ABCB1: variants seen among roughly 807,000 people sequenced by gnomAD.
The protein encoded by ABCB1 is ATP binding cassette subfamily B member 1.
ABCB1 carries 69 observed loss-of-function variants against 142.0 expected under a neutral mutation model. The ratio of observed to expected loss-of-function variants is 0.49; its 90% confidence interval spans 0.40 to 0.59. ABCB1 has a LOEUF of 0.59. ABCB1 is among the 20% of genes least tolerant of loss of function. The pLI is 0.00. For synonymous variants in ABCB1, 532 were observed against 539.2 expected (o/e 0.99, Z 0.18); for missense variants, 1,326 against 1,554.7 (o/e 0.85, Z 2.47).
At chr7:87,629,077 A>C in intron 1 of ABCB1, 1 of 879,684 alleles carries the variant, frequency 1.1e-6, no homozygotes, top group Non-Finnish European at 1.5e-6. Context: ...GCGCCAGCCA[A>C]ATCTGTGAGC....
At chr7:87,528,624 T>C (rs910456007) in intron 21 of ABCB1, among the ~76,000 whole-genome samples, 34 of 152,266 alleles carry the variant, frequency 2.2e-4, no homozygotes, top group African/African-American at 8.2e-4. Flanking sequence ...AGAGCACAGA[T>C]CACAGGCAGG....
At chr7:87,622,820 C>A (rs962596118) in intron 1 of ABCB1, among the ~76,000 whole-genome samples, 4 of 151,854 alleles carry the variant, frequency 2.6e-5, no homozygotes, top group Non-Finnish European at 5.9e-5. Context: ...CGCATGAGAC[C>A]GGGAGTTCAT....
chr7:87,687,751 T>C (rs1438888333), intron 1 of ABCB1, among the ~76,000 whole-genome samples: 1 of 152,162 alleles, frequency 6.6e-6, no homozygotes, highest in Non-Finnish European at 1.5e-5. Context: ...TCTAATCCAA[T>C]TGAACTGTTA....
intron 1 of ABCB1, among the ~76,000 whole-genome samples, chr7:87,667,626 A>G (rs1237225438): frequency 6.6e-6 from 1 of 152,130 alleles, no homozygotes; most frequent in Non-Finnish European, 1.5e-5. Flanking sequence ...TGGGTTTGTC[A>G]TAGATGGCTC....
intron 4 of ABCB1, among the ~76,000 whole-genome samples, chr7:87,583,290 T>C (rs1818598110): frequency 1.3e-5 from 2 of 152,204 alleles, no homozygotes; most frequent in South Asian, 4.1e-4. Context: ...AACTAAAGTA[T>C]GAATAAATTC....
rs2117053977 is a variant in ABCB1, at chr7:87,504,466, T to C, written c.3637-17A>G. Reference sequence around the variant, plus strand: ...TTGGACAACCTATTCCATAATCACATAGATTAATTCTCATAATAGTTCTTT... The same window carrying C: ...TTGGACAACCTATTCCATAATCACACAGATTAATTCTCATAATAGTTCTTT... On this transcript the variant is annotated splice_polypyrimidine_tract_variant and intron_variant, in intron 27 of 27. Transcript: ENST00000622132. 2 of 1,613,828 alleles carry C rather than the reference T, an allele frequency of 1.2e-6. No homozygotes were observed. The highest frequency in any genetic ancestry group is 2.2e-5 in the East Asian group (1 of 44,866).
intron 26 of ABCB1, among the ~76,000 whole-genome samples, chr7:87,507,791 T>C (rs1043586681): frequency 9.2e-5 from 14 of 152,142 alleles, no homozygotes; most frequent in Non-Finnish European, 4.4e-5. Flanking sequence ...GTAGATTACC[T>C]AGGTTGAGAA....
intron 4 of ABCB1, 74 bp from the exon 5 acceptor site, chr7:87,570,297 T>A: frequency 4.8e-5 from 61 of 1,276,020 alleles, no homozygotes; most frequent in Non-Finnish European, 6.7e-5. Context: ...TAAAAATGAA[T>A]CAAACTCATT....
At chr7:87,512,484 C>T (rs1216335888) in intron 25 of ABCB1, among the ~76,000 whole-genome samples, 2 of 152,164 alleles carry the variant, frequency 1.3e-5, no homozygotes, top group Non-Finnish European at 2.9e-5. Context: ...TTCACCGAAG[C>T]TTTAGAACCA....
chr7:87,701,228 A>G (rs531768149), intron 1 of ABCB1, among the ~76,000 whole-genome samples: 11 of 152,334 alleles, frequency 7.2e-5, no homozygotes, highest in African/African-American at 2.6e-4. Context: ...TATAAACATA[A>G]TTTTTTGGAC....
intron 1 of ABCB1, among the ~76,000 whole-genome samples, chr7:87,685,740 G>A (rs774547162): frequency 3.3e-5 from 5 of 152,128 alleles, no homozygotes; most frequent in African/African-American, 4.8e-5. Context: ...ACTGTTATGT[G>A]TCTCATAATC....
intron 1 of ABCB1, among the ~76,000 whole-genome samples, chr7:87,662,338 C>T (rs1010888832): frequency 6.6e-6 from 1 of 152,096 alleles, no homozygotes; most frequent in Admixed American, 6.6e-5. Context: ...GTCCAATGTC[C>T]TGGAGACTTT....
chr7:87,654,232 A>T (rs772784187), intron 1 of ABCB1, among the ~76,000 whole-genome samples: 1 of 152,054 alleles, frequency 6.6e-6, no homozygotes, highest in Non-Finnish European at 1.5e-5. Context: ...TAAAAAAGAC[A>T]ATCCTGAAAA....
intron 1 of ABCB1, among the ~76,000 whole-genome samples, chr7:87,626,868 C>T (rs1426693448): frequency 2.6e-5 from 4 of 151,934 alleles, no homozygotes. Flanking sequence ...CTCCGCCTCC[C>T]GGGTTCAAAC....
intron 26 of ABCB1, among the ~76,000 whole-genome samples, chr7:87,506,499 G>A (rs780369158): frequency 7.2e-5 from 11 of 152,152 alleles, no homozygotes; most frequent in Non-Finnish European, 1.6e-4. Context: ...GCCTTTTAGT[G>A]TCTGTTTTTA....
chr7:87,648,610 T>C (rs1823263608), intron 1 of ABCB1, among the ~76,000 whole-genome samples: 1 of 152,314 alleles, frequency 6.6e-6, no homozygotes, highest in Non-Finnish European at 1.5e-5. Context: ...CAGATTACTC[T>C]TCATAAGTTT....
rs945450442 is a variant in ABCB1 at position 87,584,957 on chromosome 7, C to A, written c.286+555G>T. On this transcript the variant is annotated intron_variant, in intron 4 of 27. Coordinates refer to ENST00000622132, the MANE Select transcript of ABCB1 (RefSeq NM_001348946.2). The stretch of plus-strand genomic sequence containing the variant: ...ATTTATCCTATCCTAAAATACCCCC[C>A]CACACACACACACACAATTTTGCCC... 6.6e-5 allele frequency among the ~76,000 whole-genome samples: 10 copies of A among 150,594 alleles called. 2 individuals are homozygous for A. Among genetic ancestry groups the A allele is most frequent in the South Asian group, 4.2e-4 (2 of 4,756 alleles).
intron 1 of ABCB1, chr7:87,709,451 T>G (rs1383204210): frequency 1.0e-6 from 1 of 985,306 alleles, no homozygotes; most frequent in African/African-American, 1.7e-5. Flanking sequence ...CCCCTAGGCT[T>G]ACTCAGAAGG....
chr7:87,585,092 T>C (rs933544812), intron 4 of ABCB1, among the ~76,000 whole-genome samples: 2 of 152,118 alleles, frequency 1.3e-5, no homozygotes, highest in African/African-American at 4.8e-5. Flanking sequence ...CATCTCTCAT[T>C]TCTGTTGATA....
Sources: gnomAD v4.1 joint callset for allele counts (sites outside exome capture counted in the v4.1 genomes callset) on GRCh38, gnomAD v4.1.1 for gene constraint, MANE v1.5 for transcripts, NCBI Gene and HGNC (gene_info 2026-07-23, HGNC 2026-07-21) for gene names.